Variants in NKAIN2 observed in about 807,000 individuals in gnomAD.
NKAIN2 encodes sodium/potassium transporting ATPase interacting 2, also known as sodium/potassium-transporting ATPase subunit beta-1-interacting protein 2.
In NKAIN2, 14 loss-of-function variants were observed where a neutral mutation model predicts 32.6. The observed-to-expected ratio is 0.43, with a 90% confidence interval of 0.28 to 0.67. The LOEUF is 0.67. Ranked by LOEUF, NKAIN2 falls within the 30% of genes least tolerant of loss-of-function variation. The probability of loss-of-function intolerance (pLI) is 0.17; values close to 1 mark genes in which losing one functional copy is unlikely to be tolerated. For synonymous variants in NKAIN2, 80 were observed against 87.2 expected (o/e 0.92, Z 0.46); for missense variants, 198 against 258.3 (o/e 0.77, Z 1.60).
chr6:124,028,795 G>A (rs904467871), intron 1 of NKAIN2, among the ~76,000 whole-genome samples: 32 of 145,062 alleles, frequency 2.2e-4, no homozygotes, highest in Admixed American at 1.7e-3. Flanking sequence ...GCATATACGT[G>A]TATATACGTA....
chr6:124,633,604 A>T lies in NKAIN2; in HGVS notation c.274-24582A>T, dbSNP rs572323862. ...TCCATAAATTATTCTCTTCCAGAGA[A>T]TATAATAAACATGGAAAAGGTCATA... is the stretch of plus-strand genomic sequence containing the variant. On this transcript the variant is annotated intron_variant, in intron 3 of 6. Coordinates refer to ENST00000368417, the MANE Select transcript of NKAIN2 (RefSeq NM_001040214.3). Among the ~76,000 whole-genome samples the T allele has an allele frequency of 2.4e-4, 36 of 152,346 alleles. No individual in the cohort carries two copies. The South Asian group carries it at 7.3e-3, about 31-fold the overall frequency.
intron 3 of NKAIN2, among the ~76,000 whole-genome samples, chr6:124,534,366 G>A (rs1273232319): frequency 6.6e-6 from 1 of 152,136 alleles, no homozygotes; most frequent in Non-Finnish European, 1.5e-5. Context: ...GGCCAGACTG[G>A]TCTTGAACTC....
intron 1 of NKAIN2, among the ~76,000 whole-genome samples, chr6:124,268,296 G>A (rs781328784): frequency 1.3e-5 from 2 of 152,186 alleles, no homozygotes; most frequent in East Asian, 3.8e-4. Flanking sequence ...TTTAACTCAA[G>A]ACATCAGTAT....
chr6:124,290,065 C>A (rs979589530), intron 2 of NKAIN2, among the ~76,000 whole-genome samples: 7 of 146,718 alleles, frequency 4.8e-5, no homozygotes, highest in African/African-American at 7.8e-5. Context: ...CAAAAAAAAA[C>A]ATCATTACAA....
At chr6:124,390,258 A>C (rs1219006455) in intron 3 of NKAIN2, among the ~76,000 whole-genome samples, 2 of 152,046 alleles carry the variant, frequency 1.3e-5, no homozygotes, top group Non-Finnish European at 2.9e-5. Context: ...AACGTTTCTT[A>C]TTTGAGGTAC....
intron 1 of NKAIN2, among the ~76,000 whole-genome samples, chr6:123,871,582 C>T (rs911592747): frequency 3.3e-5 from 5 of 152,032 alleles, no homozygotes; most frequent in African/African-American, 4.8e-5. Flanking sequence ...TGTACATATC[C>T]AGGAGCTTCC....
intron 2 of NKAIN2, among the ~76,000 whole-genome samples, chr6:124,298,874 G>GTGAT (rs1399884893): frequency 3.9e-5 from 6 of 152,160 alleles, no homozygotes; most frequent in Admixed American, 3.9e-4. Context: ...AGAGAACAGT[G>GTGAT]TGATTTTAGC....
intron 1 of NKAIN2, among the ~76,000 whole-genome samples, chr6:123,943,176 T>C (rs985503513): frequency 6.6e-6 from 1 of 152,048 alleles, no homozygotes; most frequent in Non-Finnish European, 1.5e-5. Context: ...CCACTGGGCT[T>C]ATAAAAGAAC....
intron 4 of NKAIN2, among the ~76,000 whole-genome samples, chr6:124,766,276 C>A (rs1583823507): frequency 6.6e-6 from 1 of 152,158 alleles, no homozygotes; most frequent in African/African-American, 2.4e-5. Flanking sequence ...ACTTTTGAGA[C>A]TGTCGAGATG....
chr6:124,481,909 G>A (rs1177594817), intron 3 of NKAIN2, among the ~76,000 whole-genome samples: 1 of 152,004 alleles, frequency 6.6e-6, no homozygotes, highest in Non-Finnish European at 1.5e-5. Context: ...AATGGTTTGT[G>A]GCCTTATAAA....
At chr6:124,002,943 A>C (rs1459312601) in intron 1 of NKAIN2, among the ~76,000 whole-genome samples, 3 of 152,162 alleles carry the variant, frequency 2.0e-5, no homozygotes, top group African/African-American at 7.2e-5. Flanking sequence ...GTGAGTTATA[A>C]AAACACAAGG....
intron 3 of NKAIN2, among the ~76,000 whole-genome samples, chr6:124,405,522 A>C (rs1306792758): frequency 6.6e-6 from 1 of 150,402 alleles, no homozygotes; most frequent in Non-Finnish European, 1.5e-5. Flanking sequence ...CAAATATAAA[A>C]ACCTTTTGTT....
intron 1 of NKAIN2, among the ~76,000 whole-genome samples, chr6:124,249,262 C>T (rs1053930170): frequency 2.0e-5 from 3 of 152,030 alleles, no homozygotes; most frequent in Non-Finnish European, 2.9e-5. Context: ...CAAGGTTTGC[C>T]TGACAGCAAA....
At chr6:123,973,548 T>A (rs1778428892) in intron 1 of NKAIN2, among the ~76,000 whole-genome samples, 1 of 152,104 alleles carries the variant, frequency 6.6e-6, no homozygotes, top group Non-Finnish European at 1.5e-5. Flanking sequence ...ATTCCTAGAC[T>A]TCACATTCAA....
At chr6:124,522,588 C>G (rs1779155239) in intron 3 of NKAIN2, among the ~76,000 whole-genome samples, 2 of 152,136 alleles carry the variant, frequency 1.3e-5, no homozygotes, top group African/African-American at 4.8e-5. Flanking sequence ...TGACAGAAAA[C>G]CTGTGGTTTC....
chr6:123,892,714 A>G (rs1367579747), intron 1 of NKAIN2, among the ~76,000 whole-genome samples: 2 of 151,848 alleles, frequency 1.3e-5, no homozygotes, highest in Admixed American at 6.6e-5. Context: ...GAGGATGGAA[A>G]CAAATGTAGA....
chr6:124,270,246 G>A (rs189572121), intron 1 of NKAIN2, among the ~76,000 whole-genome samples: 7 of 152,248 alleles, frequency 4.6e-5, no homozygotes, highest in Non-Finnish European at 8.8e-5. Context: ...CAGCTAAAAC[G>A]GAGAGGGCAG....
chr6:124,088,523 C>T (rs562536600), intron 1 of NKAIN2, among the ~76,000 whole-genome samples: 13 of 152,028 alleles, frequency 8.6e-5, no homozygotes, highest in Non-Finnish European at 1.6e-4. Context: ...TGCCAGCTTA[C>T]TTACTGAAAA....
At chr6:123,825,819 G>T (rs978635240) in intron 1 of NKAIN2, among the ~76,000 whole-genome samples, 3 of 152,022 alleles carry the variant, frequency 2.0e-5, no homozygotes, top group African/African-American at 7.2e-5. Flanking sequence ...GCAGCATTTG[G>T]TATGATACGT....
Sources: allele counts gnomAD v4.1 joint callset (sites outside exome capture counted in the v4.1 genomes callset), GRCh38; gene constraint gnomAD v4.1.1; transcripts MANE v1.5; gene names NCBI Gene and HGNC (gene_info 2026-07-23, HGNC 2026-07-21).